The following URAD variants were observed in gnomAD, a reference collection of about 807,000 sequenced individuals.
The protein encoded by URAD is putative 2-oxo-4-hydroxy-4-carboxy-5-ureidoimidazoline decarboxylase.
In URAD, 4 loss-of-function variants were observed where a neutral mutation model predicts 4.6. The observed-to-expected ratio is 0.87, with a 90% CI of 0.43 to 1.98. URAD has a LOEUF of 1.98. URAD is among the 30% of genes most tolerant of loss of function. The pLI is 0.03. For synonymous variants in URAD, 144 were observed against 118.2 expected (o/e 1.22, Z -1.41); for missense variants, 300 against 255.3 (o/e 1.18, Z -1.19).
intron 1 of URAD, among the ~76,000 whole-genome samples, chr13:27,979,960 C>T (rs74041507): frequency 0.036 from 5,462 of 152,304 alleles, 298 homozygotes; most frequent in African/African-American, 0.12. Flanking sequence ...GGACCCTCTA[C>T]TCCAAATCAC....
At chr13:27,980,493 C>T (rs1869842935) in intron 1 of URAD, among the ~76,000 whole-genome samples, 1 of 152,212 alleles carries the variant, frequency 6.6e-6, no homozygotes, top group Non-Finnish European at 1.5e-5. Context: ...GTAACCTGCC[C>T]GGGCTGCGGA....
chr13:27,981,301 A>T (rs1378078719), intron 1 of URAD, among the ~76,000 whole-genome samples: 4 of 152,182 alleles, frequency 2.6e-5, no homozygotes, highest in Non-Finnish European at 4.4e-5. Flanking sequence ...GGGAGGCTGG[A>T]TACTGGGCAA....
intron 1 of URAD, among the ~76,000 whole-genome samples, chr13:27,982,009 C>T (rs955934722): frequency 2.4e-4 from 36 of 152,140 alleles, no homozygotes; most frequent in African/African-American, 8.2e-4. Context: ...TGTCACGTTT[C>T]GAGCCACTGT....
intron 1 of URAD, among the ~76,000 whole-genome samples, chr13:27,981,656 A>C (rs188952948): frequency 1.5e-4 from 23 of 152,284 alleles, no homozygotes; most frequent in African/African-American, 5.5e-4. Context: ...CTCCTGGTCC[A>C]TACCCAGTGG....
intron 1 of URAD, among the ~76,000 whole-genome samples, chr13:27,987,496 G>C (rs927502890): frequency 6.6e-6 from 1 of 152,074 alleles, no homozygotes. Flanking sequence ...CACTCTCCTC[G>C]GCCATCCAGT....
chr13:27,980,443 C>T (rs1869841334), intron 1 of URAD, among the ~76,000 whole-genome samples: 2 of 152,198 alleles, frequency 1.3e-5, no homozygotes, highest in Non-Finnish European at 2.9e-5. Context: ...GAGCTCAGCT[C>T]CCGCCCGGAT....
In URAD at chr13:27,978,081, C is replaced by T. The variant is rs1566041030; in HGVS notation, c.*25G>A. 6.2e-6 allele frequency: 9 copies of T among 1,443,612 alleles called. No individual in the cohort carries two copies. The highest frequency in any genetic ancestry group is 7.2e-6 in the Non-Finnish European group (8 of 1,112,892). 89.4% of individuals were successfully genotyped at this position (1,443,612 alleles called of 1,614,324 possible). On this transcript the variant is annotated 3_prime_UTR_variant, in exon 2 of 2. Transcript: ENST00000332715. ...GGCCCCCGCGCGTCCGGTTGTGCGT[C>T]CCGGGTCCCTGGCCCGCGCGGCAGC...
At chr13:27,979,711 A>G (rs1272263911) in intron 1 of URAD, among the ~76,000 whole-genome samples, 1 of 152,222 alleles carries the variant, frequency 6.6e-6, no homozygotes, top group African/African-American at 2.4e-5. Context: ...ACACCGTTCA[A>G]TGAATTTTAT....
intron 1 of URAD, 66 bp from the exon 2 acceptor site, chr13:27,978,518 G>A: frequency 8.3e-7 from 1 of 1,207,470 alleles, no homozygotes; most frequent in Admixed American, 4.3e-5. Flanking sequence ...GCGCACTCGA[G>A]GGGGCGCGTA....
At chr13:27,988,346 C>T (rs1364952863) in intron 1 of URAD, 117 bp downstream of exon 1, 5 of 1,011,046 alleles carry the variant, frequency 4.9e-6, no homozygotes, top group Non-Finnish European at 7.0e-6. Flanking sequence ...CCCATCTCAG[C>T]CTCCCAAAGT....
intron 1 of URAD, 23 bp downstream of exon 1, chr13:27,988,440 A>G: frequency 6.4e-7 from 1 of 1,559,622 alleles, no homozygotes; most frequent in Non-Finnish European, 8.7e-7. Context: ...CTTTGCAGAG[A>G]ATGTCTGATA....
chr13:27,978,995 A>G (rs2137554331), intron 1 of URAD, among the ~76,000 whole-genome samples: 1 of 152,300 alleles, frequency 6.6e-6, no homozygotes. Context: ...GGCGGGGTGC[A>G]TCCATAGGGA....
At chr13:27,984,073 G>A (rs1869950527) in intron 1 of URAD, among the ~76,000 whole-genome samples, 1 of 151,906 alleles carries the variant, frequency 6.6e-6, no homozygotes, top group South Asian at 2.1e-4. Context: ...TTGTGACAGG[G>A]TTCTCGCTCT....
intron 1 of URAD, among the ~76,000 whole-genome samples, chr13:27,987,790 C>T (rs1203555434): frequency 6.6e-6 from 1 of 152,178 alleles, no homozygotes; most frequent in Non-Finnish European, 1.5e-5. Flanking sequence ...CACACAAGTG[C>T]TTGACTCTTA....
In URAD at chr13:27,978,003, G is replaced by T; in HGVS notation, c.*103C>A. 2.1e-6 allele frequency: 2 copies of T among 946,470 alleles called. No homozygotes were observed. Among genetic ancestry groups the T allele is most frequent in the Non-Finnish European group, 2.9e-6 (2 of 688,950 alleles). The allele number at this position is 946,470 out of a possible 1,614,324, so 58.6% of individuals were successfully genotyped here. A position where few individuals can be genotyped will look rare whatever the true frequency, so the allele number is the denominator to read the frequency against. The stretch of plus-strand genomic sequence containing the variant: ...ACTTCCTTTGTGCACGTGTGTGGAC[G>T]CTGTTCCAGGCCCGAGTCCGCCTCC... On this transcript the variant is annotated 3_prime_UTR_variant, in exon 2 of 2. Transcript: ENST00000332715.
chr13:27,984,688 C>T (rs186541305), intron 1 of URAD, among the ~76,000 whole-genome samples: 224 of 152,214 alleles, frequency 1.5e-3, no homozygotes, highest in African/African-American at 5.2e-3. Context: ...GTAATAAATC[C>T]CATTTTAAGG....
chr13:27,984,318 C>T (rs2137558929), intron 1 of URAD, among the ~76,000 whole-genome samples: 1 of 152,360 alleles, frequency 6.6e-6, no homozygotes, highest in East Asian at 1.9e-4. Flanking sequence ...TTTCAACTTT[C>T]TTCCCTTTAC....
rs1593189354 is a variant in URAD at position 27,977,847 on chromosome 13, T to G, written c.*259A>C. On this transcript the variant is annotated 3_prime_UTR_variant, in exon 2 of 2. Transcript: ENST00000332715. ...GTGGTGTCGGGGGCCGCAAAGGGAG[T>G]GAAGAATTGAAGCAGTGAGCTGGAT... The G allele has an allele frequency of 2.4e-6, 1 of 424,150 alleles. No homozygotes were observed. Among genetic ancestry groups the G allele is most frequent in the Non-Finnish European group, 4.1e-6 (1 of 241,462 alleles). 26.3% of individuals were successfully genotyped at this position (424,150 alleles called of 1,614,324 possible). A position where few individuals can be genotyped will look rare whatever the true frequency, so the allele number is the denominator to read the frequency against.
intron 1 of URAD, among the ~76,000 whole-genome samples, chr13:27,981,235 C>T (rs529707201): frequency 2.0e-5 from 3 of 152,258 alleles, no homozygotes; most frequent in Admixed American, 1.3e-4. Context: ...CAGCAAGGAC[C>T]CAGTTCCCTG....
Sources: allele counts gnomAD v4.1 joint callset (sites outside exome capture counted in the v4.1 genomes callset), GRCh38; gene constraint gnomAD v4.1.1; transcripts MANE v1.5; gene names NCBI Gene and HGNC (gene_info 2026-07-23, HGNC 2026-07-21).